Variants in FAT3 observed in about 807,000 individuals in gnomAD.
The protein encoded by FAT3 is FAT atypical cadherin 3, also known as protocadherin Fat 3.
FAT3 carries 95 observed loss-of-function variants against 310.2 expected under a neutral mutation model. That is an observed-to-expected ratio of 0.31 (90% CI 0.26 to 0.36). The LOEUF is 0.36. Ranked by LOEUF, FAT3 falls within the 10% of genes least tolerant of loss-of-function variation. FAT3 has a pLI of 1.00. For synonymous variants in FAT3, 2,314 were observed against 2,192.9 expected (o/e 1.06, Z -1.54); for missense variants, 5,408 against 5,715.6 (o/e 0.95, Z 1.74).
intron 2 of FAT3, among the ~76,000 whole-genome samples, chr11:92,501,838 G>A (rs1952948929): frequency 6.6e-6 from 1 of 151,888 alleles, no homozygotes; most frequent in South Asian, 2.1e-4. Flanking sequence ...ATTTTGACAT[G>A]TGCAAATTAA....
chr11:92,598,848 C>T (rs1423672036), intron 3 of FAT3, among the ~76,000 whole-genome samples: 1 of 152,178 alleles, frequency 6.6e-6, no homozygotes, highest in Non-Finnish European at 1.5e-5. Context: ...ATGATTAAGA[C>T]CTGCTATAAC....
chr11:92,494,191 C>G (rs1952688196), intron 2 of FAT3, among the ~76,000 whole-genome samples: 2 of 151,926 alleles, frequency 1.3e-5, no homozygotes, highest in Admixed American at 1.3e-4. Context: ...ATCACGAGAA[C>G]AACATGGAGG....
At chr11:92,699,502 A>AT (rs889306395) in intron 4 of FAT3, among the ~76,000 whole-genome samples, 1 of 152,206 alleles carries the variant, frequency 6.6e-6, no homozygotes, top group Non-Finnish European at 1.5e-5. Flanking sequence ...TTATAAAAAA[A>AT]TTTTTTAAAT....
At chr11:92,768,659 C>A (rs1336848921) in intron 6 of FAT3, among the ~76,000 whole-genome samples, 1 of 152,070 alleles carries the variant, frequency 6.6e-6, no homozygotes, top group Non-Finnish European at 1.5e-5. Flanking sequence ...TCTTTTTTGG[C>A]CAAGCTAACA....
chr11:92,350,120 T>A (rs1472077960), intron 1 of FAT3, among the ~76,000 whole-genome samples: 2 of 151,954 alleles, frequency 1.3e-5, no homozygotes, highest in East Asian at 3.9e-4. Flanking sequence ...AGGTAAAAAC[T>A]TTTTCCTATT....
intron 3 of FAT3, among the ~76,000 whole-genome samples, chr11:92,559,739 G>A (rs1408516280): frequency 6.6e-6 from 1 of 152,086 alleles, no homozygotes; most frequent in Non-Finnish European, 1.5e-5. Context: ...AGTCTTTTGT[G>A]ACTGGTTTCT....
At chr11:92,417,683 G>T (rs1169390310) in intron 2 of FAT3, among the ~76,000 whole-genome samples, 1 of 152,156 alleles carries the variant, frequency 6.6e-6, no homozygotes, top group Non-Finnish European at 1.5e-5. Flanking sequence ...GCCATAGCAT[G>T]GGCAAAGTTT....
chr11:92,888,677 C>T (rs1565682042), intron 25 of FAT3, among the ~76,000 whole-genome samples: 1 of 152,188 alleles, frequency 6.6e-6, no homozygotes, highest in Non-Finnish European at 1.5e-5. Flanking sequence ...GGAGCTAGGC[C>T]TTGGGTCGTT....
chr11:92,715,398 A>G (rs1944652534), intron 4 of FAT3, among the ~76,000 whole-genome samples: 2 of 151,830 alleles, frequency 1.3e-5, no homozygotes, highest in Middle Eastern at 3.2e-3. Context: ...ACAGTGCAAG[A>G]CTCTGTCTCA....
At position 92,894,424 on chromosome 11, in the gene FAT3, C is replaced by T. The variant is rs1949982003; in HGVS notation, c.*3311C>T. ...CTACTCTTTGTCCTACCCCCTCCAC[C>T]ATGATGAACCATGTGGAAACTATTT... On this transcript the variant is annotated 3_prime_UTR_variant, in exon 28 of 28. Coordinates refer to ENST00000525166, the MANE Select transcript of FAT3 (RefSeq NM_001367949.2). 6.6e-6 allele frequency: 1 copy of T among 152,150 alleles called. No homozygotes were observed. The highest frequency in any genetic ancestry group is 2.4e-5 in the African/African-American group (1 of 41,436). 9.4% of individuals were successfully genotyped at this position (152,150 alleles called of 1,614,324 possible).
At chr11:92,517,119 TG>T (rs1953512606) in intron 2 of FAT3, among the ~76,000 whole-genome samples, 1 of 152,164 alleles carries the variant, frequency 6.6e-6, no homozygotes, top group Admixed American at 6.5e-5. Context: ...TTCAAAGAAT[TG>T]GAAAAAACTA....
At chr11:92,579,265 A>G (rs188807079) in intron 3 of FAT3, among the ~76,000 whole-genome samples, 64 of 152,144 alleles carry the variant, frequency 4.2e-4, no homozygotes, top group Admixed American at 2.7e-3. Flanking sequence ...GGACAAAATA[A>G]AGTAGAAGAT....
At chr11:92,340,913 T>A (rs1277851059) in intron 1 of FAT3, among the ~76,000 whole-genome samples, 1 of 152,168 alleles carries the variant, frequency 6.6e-6, no homozygotes, top group African/African-American at 2.4e-5. Context: ...ATTTGGGATG[T>A]GCAGCAGGAT....
chr11:92,486,299 G>GT (rs1952400003), intron 2 of FAT3, among the ~76,000 whole-genome samples: 4 of 151,624 alleles, frequency 2.6e-5, no homozygotes, highest in South Asian at 2.1e-4. Context: ...TGTTCTGCCT[G>GT]TTTTTTTACT....
intron 13 of FAT3, among the ~76,000 whole-genome samples, chr11:92,828,901 T>C (rs548725225): frequency 2.0e-5 from 3 of 152,206 alleles, no homozygotes; most frequent in Non-Finnish European, 2.9e-5. Context: ...AGAATTAGAT[T>C]TCAGCTTTGT....
chr11:92,875,393 G>T (rs184213705), intron 22 of FAT3, among the ~76,000 whole-genome samples: 234 of 150,182 alleles, frequency 1.6e-3, no homozygotes, highest in Non-Finnish European at 2.1e-3. Flanking sequence ...GTTCAGGACT[G>T]CAGGAGCCAG....
rs535262770 is a variant in FAT3, at chr11:92,884,882, A to G, written c.12937+1489A>G. Among the ~76,000 whole-genome samples the G allele has an allele frequency of 7.9e-5, 12 of 152,284 alleles. No individual in the cohort carries two copies. In the South Asian group the frequency reaches 2.5e-3, roughly 32 times the overall value. ...CACCAAGGGAACAAGAACAGAGAGG[A>G]TGGTCAAACCAGGCCTCCAAAAGAA... On this transcript the variant is annotated intron_variant, in intron 24 of 27. Transcript: ENST00000525166.
intron 3 of FAT3, among the ~76,000 whole-genome samples, chr11:92,655,258 C>T (rs1347213779): frequency 1.3e-5 from 2 of 152,174 alleles, no homozygotes; most frequent in Non-Finnish European, 2.9e-5. Context: ...TGTCTCTTCT[C>T]AGGAGAACAC....
intron 3 of FAT3, among the ~76,000 whole-genome samples, chr11:92,553,229 T>G (rs992402452): frequency 1.3e-5 from 2 of 152,236 alleles, no homozygotes; most frequent in Non-Finnish European, 2.9e-5. Context: ...TTCTTTACTC[T>G]TAGATCAAAG....
Sources: allele counts gnomAD v4.1 joint callset (sites outside exome capture counted in the v4.1 genomes callset), GRCh38; gene constraint gnomAD v4.1.1; transcripts MANE v1.5; gene names NCBI Gene and HGNC (gene_info 2026-07-23, HGNC 2026-07-21).